Variants in CDH18 observed in about 807,000 individuals in gnomAD.
CDH18 encodes the protein cadherin-18.
In CDH18, 31 loss-of-function variants were observed where a neutral mutation model predicts 67.9. That is an observed-to-expected ratio of 0.46 (90% CI 0.34 to 0.62). The LOEUF is 0.62. Among genes scored for constraint, CDH18 ranks in the 20% least tolerant of loss-of-function variants. The probability of loss-of-function intolerance (pLI) is 0.01; values close to 1 mark genes in which losing one functional copy is unlikely to be tolerated. For missense variants in CDH18, 890 were observed against 975.5 expected (o/e 0.91, Z 1.17); for synonymous variants, 362 against 347.2 (o/e 1.04, Z -0.48).
At chr5:20,177,576 A>G (rs1187999541) in intron 2 of CDH18, among the ~76,000 whole-genome samples, 1 of 152,018 alleles carries the variant, frequency 6.6e-6, no homozygotes, top group Non-Finnish European at 1.5e-5. Flanking sequence ...GTCAAACATT[A>G]TTCTAGGTGT....
chr5:20,546,351 CCACT>C (rs1385640274), intron 1 of CDH18, among the ~76,000 whole-genome samples: 3 of 152,040 alleles, frequency 2.0e-5, no homozygotes, highest in African/African-American at 7.2e-5. Flanking sequence ...TAGCAGGACC[CCACT>C]CTGCCAGTAC....
At chr5:20,154,530 C>A (rs1488488302) in intron 2 of CDH18, among the ~76,000 whole-genome samples, 6 of 152,024 alleles carry the variant, frequency 3.9e-5, no homozygotes, top group Non-Finnish European at 8.8e-5. Context: ...ATTTTAACAA[C>A]ATTTAATCCA....
At chr5:20,551,212 G>GT (rs1425116877) in intron 1 of CDH18, among the ~76,000 whole-genome samples, 1 of 152,030 alleles carries the variant, frequency 6.6e-6, no homozygotes, top group Non-Finnish European at 1.5e-5. Context: ...ATAGGATCCT[G>GT]TTTTTTTCTC....
At chr5:19,756,593 G>C (rs1358098648) in intron 3 of CDH18, among the ~76,000 whole-genome samples, 3 of 152,182 alleles carry the variant, frequency 2.0e-5, no homozygotes, top group Non-Finnish European at 4.4e-5. Flanking sequence ...TTGTGGAGTA[G>C]TGGACTGATT....
intron 1 of CDH18, among the ~76,000 whole-genome samples, chr5:20,325,300 T>G (rs1018047037): frequency 1.3e-5 from 2 of 152,216 alleles, no homozygotes; most frequent in Admixed American, 1.3e-4. Flanking sequence ...TGTTGCAATT[T>G]CTACCACATC....
chr5:19,754,974 C>T (rs12189505), intron 3 of CDH18, among the ~76,000 whole-genome samples: 7,421 of 152,050 alleles, frequency 0.049, 231 homozygotes, highest in Non-Finnish European at 0.071. Context: ...ACGATAATGA[C>T]AGAACCTATC....
chr5:20,414,231 A>G (rs1280982936), intron 1 of CDH18, among the ~76,000 whole-genome samples: 1 of 152,200 alleles, frequency 6.6e-6, no homozygotes, highest in African/African-American at 2.4e-5. Flanking sequence ...CTGCACTTTT[A>G]TGTTTATCGT....
chr5:20,343,105 T>G (rs1740407009), intron 1 of CDH18, among the ~76,000 whole-genome samples: 2 of 152,074 alleles, frequency 1.3e-5, no homozygotes, highest in Admixed American at 1.3e-4. Context: ...GATCCCGAGG[T>G]GGCAAAGGCC....
chr5:20,188,291 C>G (rs1347683390), intron 2 of CDH18, among the ~76,000 whole-genome samples: 1 of 151,940 alleles, frequency 6.6e-6, no homozygotes, highest in Non-Finnish European at 1.5e-5. Flanking sequence ...ACTGAAACAT[C>G]TAATTCAAAT....
At chr5:19,719,532 CT>C (rs1765743261) in intron 5 of CDH18, among the ~76,000 whole-genome samples, 3 of 151,906 alleles carry the variant, frequency 2.0e-5, no homozygotes, top group African/African-American at 7.2e-5. Context: ...ATTCTAAGCT[CT>C]TCTAATGAAT....
chr5:20,017,480 G>A (rs1245789346), intron 2 of CDH18, among the ~76,000 whole-genome samples: 1 of 151,982 alleles, frequency 6.6e-6, no homozygotes, highest in African/African-American at 2.4e-5. Flanking sequence ...GACATTCATT[G>A]ACCAAATAAA....
At chr5:20,267,808 T>C (rs990444732) in intron 1 of CDH18, among the ~76,000 whole-genome samples, 3 of 152,226 alleles carry the variant, frequency 2.0e-5, no homozygotes, top group African/African-American at 4.8e-5. Flanking sequence ...TAATTTCAAC[T>C]ATTATTTTAG....
At chr5:19,735,415 G>A (rs1380148978) in intron 4 of CDH18, among the ~76,000 whole-genome samples, 4 of 74,030 alleles carry the variant, frequency 5.4e-5, no homozygotes, top group Middle Eastern at 0.011. Context: ...TTTTTTTTTT[G>A]AGACGGAGTC....
At chr5:19,679,545 C>A (rs1448361733) in intron 5 of CDH18, among the ~76,000 whole-genome samples, 1 of 151,754 alleles carries the variant, frequency 6.6e-6, no homozygotes, top group African/African-American at 2.4e-5. Flanking sequence ...GATTCTATAC[C>A]TAAAAATCCC....
At chr5:20,500,427 G>A (rs1435199677) in intron 1 of CDH18, among the ~76,000 whole-genome samples, 1 of 152,034 alleles carries the variant, frequency 6.6e-6, no homozygotes, top group Non-Finnish European at 1.5e-5. Context: ...AAATATCCCT[G>A]GACTATAACA....
intron 2 of CDH18, among the ~76,000 whole-genome samples, chr5:19,843,818 T>C (rs1047306807): frequency 2.6e-5 from 4 of 152,184 alleles, no homozygotes; most frequent in African/African-American, 7.2e-5. Context: ...ATGTGAGACA[T>C]GGAGTAAAAG....
chr5:20,530,187 T>G (rs766542491), intron 1 of CDH18, among the ~76,000 whole-genome samples: 2 of 151,848 alleles, frequency 1.3e-5, no homozygotes, highest in Non-Finnish European at 2.9e-5. Context: ...ACAAGGGAAG[T>G]GAAGGACCTC....
chr5:19,923,798 AT>A (rs1330958016), intron 2 of CDH18, among the ~76,000 whole-genome samples: 1 of 152,208 alleles, frequency 6.6e-6, no homozygotes, highest in Non-Finnish European at 1.5e-5. Flanking sequence ...ATTTCGTATT[AT>A]ATCAAAATAT....
intron 9 of CDH18, among the ~76,000 whole-genome samples, chr5:19,541,480 T>C (rs954112197): frequency 6.6e-6 from 1 of 152,218 alleles, no homozygotes. Context: ...ATTTACTGTG[T>C]TAGTCTGTTC....
Sources: gnomAD v4.1 joint callset for allele counts (sites outside exome capture counted in the v4.1 genomes callset) on GRCh38, gnomAD v4.1.1 for gene constraint, MANE v1.5 for transcripts, NCBI Gene and HGNC (gene_info 2026-07-23, HGNC 2026-07-21) for gene names.